The following CEBPZ variants were observed in gnomAD, a reference collection of about 807,000 sequenced individuals.
The protein encoded by CEBPZ is CCAAT/enhancer-binding protein zeta.
Under a neutral mutation model 104.5 loss-of-function variants are expected in CEBPZ, and 78 were observed. The observed-to-expected ratio is 0.75, with a 90% confidence interval of 0.62 to 0.90. CEBPZ has a LOEUF of 0.90. Ranked by LOEUF, CEBPZ falls within the 40% of genes least tolerant of loss-of-function variation. The probability of loss-of-function intolerance (pLI) is 0.00; values close to 1 mark genes in which losing one functional copy is unlikely to be tolerated. For synonymous variants in CEBPZ, 470 were observed against 427.0 expected (o/e 1.10, Z -1.24); for missense variants, 1,439 against 1,233.5 (o/e 1.17, Z -2.50).
intron 13 of CEBPZ, chr2:37,210,736 A>C (rs769689472): frequency 5.8e-6 from 2 of 345,184 alleles, no homozygotes; most frequent in Non-Finnish European, 1.1e-5. Flanking sequence ...TATGTAACCA[A>C]ACACCCTACC....
intron 6 of CEBPZ, 46 bp downstream of exon 6, chr2:37,216,938 A>T (rs1267779803): frequency 2.1e-6 from 3 of 1,443,272 alleles, no homozygotes; most frequent in Non-Finnish European, 2.9e-6. Context: ...ATCTAAAATG[A>T]TACTTTTTTT....
chr2:37,231,535 A>G lies in CEBPZ; in HGVS notation c.33T>C (p.His11=), dbSNP rs1327418373. The part of the protein sequence containing the change: MAAVKEPLEF[H]AKRPWRPEEA... The stretch of plus-strand genomic sequence containing the variant: ...CCTCGGGGCGCCAAGGCCGCTTGGC[A>G]TGGAACTCCAAAGGCTCCTTGACTG... The change falls in exon 1 of 16, where the codon CAT becomes CAC. Residue 11 remains histidine (H), a synonymous_variant. Transcript: ENST00000234170. The G allele has an allele frequency of 1.2e-6, 2 of 1,614,228 alleles. No individual in the cohort carries two copies. Among genetic ancestry groups the G allele is most frequent in the Middle Eastern group, 3.3e-4 (2 of 6,062 alleles).
rs766218806 is a variant in CEBPZ at position 37,216,210 on chromosome 2, T to G, written c.2312-2A>C. ...GCATCACAACACTATCTGTGTTTTCTGAAATGTAAAATTATGACAGTATAA... is the reference window on the plus strand; with the variant it reads ...GCATCACAACACTATCTGTGTTTTCGGAAATGTAAAATTATGACAGTATAA... On this transcript the variant is annotated splice_acceptor_variant, in intron 7 of 15. Transcript: ENST00000234170. LOFTEE classifies it high-confidence loss of function. 6.2e-7 allele frequency: 1 copy of G among 1,612,164 alleles called. No individual in the cohort carries two copies. Among genetic ancestry groups the G allele is most frequent in the Non-Finnish European group, 8.5e-7 (1 of 1,178,986 alleles).
Position 37,228,969 on chromosome 2 carries a change from G to A in CEBPZ, c.224C>T (p.Ala75Val). 3 of 1,601,240 alleles carry A rather than the reference G, an allele frequency of 1.9e-6. No individual in the cohort carries two copies. The highest frequency in any genetic ancestry group is 2.6e-6 in the Non-Finnish European group (3 of 1,176,174). The change falls in exon 2 of 16, where the codon GCA (alanine) becomes GTA (valine). Residue 75 changes from alanine (A) to valine (V), a missense_variant. Ala to Val is a moderately conservative substitution (Grantham distance 64). Transcript: ENST00000234170. Reference sequence around the variant, plus strand: ...TTCACCTTGCTGAAGGTCATCGATTGCTCCTTTTTTGCCTCCATCTATCAC... The same window carrying A: ...TTCACCTTGCTGAAGGTCATCGATTACTCCTTTTTTGCCTCCATCTATCAC... The part of the protein sequence containing the change: ...EEVIDGGKKG[A>V]IDDLQQGELE...
chr2:37,217,631 G>C (rs1458263967), intron 5 of CEBPZ, among the ~76,000 whole-genome samples: 1 of 152,090 alleles, frequency 6.6e-6, no homozygotes, highest in African/African-American at 2.4e-5. Flanking sequence ...GGCCAGGCGC[G>C]GTGGCTCATG....
chr2:37,228,060 T>A lies in CEBPZ; in HGVS notation c.1133A>T (p.Glu378Val). The change falls in exon 2 of 16, where the codon GAG becomes GTG. Residue 378 changes from glutamate to valine, a missense_variant. Transcript: ENST00000234170. ...VAHELLCNKPEEEKALLVQVV... is the reference protein window; with the variant it reads ...VAHELLCNKPVEEKALLVQVV... ...TTGCACAAGAAGAGCCTTTTCTTCC[T>A]CAGGCTTGTTACAAAGCAGCTCATG... 6.2e-7 allele frequency: 1 copy of A among 1,614,224 alleles called. No homozygotes were observed. The highest frequency in any genetic ancestry group is 8.5e-7 in the Non-Finnish European group (1 of 1,180,036).
intron 4 of CEBPZ, among the ~76,000 whole-genome samples, chr2:37,221,518 T>G (rs1013701828): frequency 2.6e-5 from 4 of 152,168 alleles, no homozygotes; most frequent in African/African-American, 9.7e-5. Flanking sequence ...TAATTCTCAC[T>G]TGGAACAGGT....
intron 1 of CEBPZ, 138 bp downstream of exon 1, chr2:37,231,274 G>T: frequency 8.4e-7 from 1 of 1,189,672 alleles, no homozygotes; most frequent in South Asian, 1.3e-5. Flanking sequence ...GAAGCGCACC[G>T]AACACATGCT....
chr2:37,229,745 T>C (rs1260362295), intron 1 of CEBPZ, among the ~76,000 whole-genome samples: 1 of 152,242 alleles, frequency 6.6e-6, no homozygotes, highest in African/African-American at 2.4e-5. Flanking sequence ...TCTCGCTCTG[T>C]TGTCCAGGCT....
In CEBPZ at chr2:37,221,176, C is replaced by A. The variant is rs534069402; in HGVS notation, c.2066-703G>T. Among the ~76,000 whole-genome samples, 85 of 149,566 alleles carry A rather than the reference C, an allele frequency of 5.7e-4. 1 individual carries two copies. The highest frequency in any genetic ancestry group is 2.1e-3 in the African/African-American group (84 of 40,666). On this transcript the variant is annotated intron_variant, in intron 4 of 15. Coordinates refer to ENST00000234170, the MANE Select transcript of CEBPZ (RefSeq NM_005760.3). ...TCTACAAAAAACACAACTAGCCATA[C>A]CTGGTGGCACGAGCCTGTAGTCCCG...
chr2:37,207,050 GACAAAGAGGGACATTACATACTAGTAA>G (rs1352399528), intron 13 of CEBPZ, among the ~76,000 whole-genome samples: 2 of 152,096 alleles, frequency 1.3e-5, no homozygotes, highest in South Asian at 2.1e-4. Context: ...AGTTAAAAAA[GACAAAGAGGGACATTACATACTAGTAA>G]AATGATTAGT....
rs1183458659 is a variant in CEBPZ, at chr2:37,228,964, C to T, written c.229G>A (p.Asp77Asn). 8.7e-6 allele frequency: 14 copies of T among 1,603,368 alleles called. No homozygotes were observed. The highest frequency in any genetic ancestry group is 4.0e-5 in the African/African-American group (3 of 74,412). The change falls in exon 2 of 16, where the codon GAT becomes AAT. Residue 77 changes from aspartate to asparagine, a missense_variant. Physicochemically the swap from Asp to Asn is conservative, Grantham distance 23 (BLOSUM62 1). Transcript: ENST00000234170. ...TCCAATTCACCTTGCTGAAGGTCAT[C>T]GATTGCTCCTTTTTTGCCTCCATCT... ...VIDGGKKGAI[D>N]DLQQGELEAF...
chr2:37,216,103 G>A, intron 8 of CEBPZ, 37 bp downstream of exon 8: 1 of 1,435,868 alleles, frequency 7.0e-7, no homozygotes, highest in South Asian at 1.2e-5. Context: ...GTCTTATATT[G>A]TCTTTTCAGT....
Position 37,230,502 on chromosome 2 carries a change from C to G in CEBPZ, c.156+910G>C, listed in dbSNP as rs1339896315. ...TATTCAAAACTTAAATATACACAAGCACAGAGCAAACTGTGAATCTGCCTA... is the reference window on the plus strand; with the variant it reads ...TATTCAAAACTTAAATATACACAAGGACAGAGCAAACTGTGAATCTGCCTA... On this transcript the variant is annotated intron_variant, in intron 1 of 15. Coordinates refer to ENST00000234170, the MANE Select transcript of CEBPZ (RefSeq NM_005760.3). Among the ~76,000 whole-genome samples the G allele has an allele frequency of 4.6e-5, 7 of 152,196 alleles. No homozygotes were observed. In the East Asian group the frequency reaches 5.8e-4, roughly 13 times the overall value.
chr2:37,217,002 A>G lies in CEBPZ; in HGVS notation c.2190T>C (p.Phe730=), dbSNP rs1282098654. 6.2e-7 allele frequency: 1 copy of G among 1,612,868 alleles called. No homozygotes were observed. The highest frequency in any genetic ancestry group is 1.7e-5 in the Admixed American group (1 of 60,006). ...SVHFHPSVAL[F]AKTILQGNYI... is the part of the protein sequence containing the mutation. ...GACTCACCTGAAGGATGGTCTTTGC[A>G]AAAAGGGCCACGGAGGGATGAAAAT... The change falls in exon 6 of 16, where the codon TTT becomes TTC. Residue 730 remains phenylalanine (F), a synonymous_variant. Coordinates refer to ENST00000234170, the MANE Select transcript of CEBPZ (RefSeq NM_005760.3).
At position 37,203,021 on chromosome 2, in the gene CEBPZ, G is replaced by A. The variant is rs765833535; in HGVS notation, c.2885-13C>T. 5 of 1,500,602 alleles carry A rather than the reference G, an allele frequency of 3.3e-6. No homozygotes were observed. The highest frequency in any genetic ancestry group is 4.5e-6 in the Non-Finnish European group (5 of 1,113,000). 93.0% of individuals were successfully genotyped at this position (1,500,602 alleles called of 1,614,324 possible). ...TTTTTTCTTGGCCCTAAAAAAAATT[G>A]TAAGTCTACATTATTCAATTATAAA... On this transcript the variant is annotated splice_polypyrimidine_tract_variant and intron_variant, in intron 13 of 15. Coordinates refer to ENST00000234170, the MANE Select transcript of CEBPZ (RefSeq NM_005760.3).
intron 2 of CEBPZ, among the ~76,000 whole-genome samples, chr2:37,224,546 T>C (rs1157700715): frequency 6.9e-6 from 1 of 143,894 alleles, no homozygotes; most frequent in Non-Finnish European, 1.5e-5. Flanking sequence ...TATTCAATTT[T>C]CTCTCTTTAC....
chr2:37,231,453 C>T lies in CEBPZ; in HGVS notation c.115G>A (p.Gly39Arg), dbSNP rs1665099499. ...CGTAACACTTCCTCCAGGGAGAACC[C>T]ATTCTCGGCTTCACTAGTATTATCC... ...DEDNTSEAEN[G>R]FSLEEVLRLG... Residue 39 changes from glycine (G) to arginine (R), a missense_variant, in exon 1 of 16, where the codon GGG (glycine) becomes AGG (arginine). Transcript: ENST00000234170. 6.2e-7 allele frequency: 1 copy of T among 1,614,092 alleles called. No homozygotes were observed. Among genetic ancestry groups the T allele is most frequent in the South Asian group, 1.1e-5 (1 of 91,088 alleles).
At position 37,211,915 on chromosome 2, in the gene CEBPZ, C is replaced by T. The variant is rs753100745; in HGVS notation, c.2728G>A (p.Glu910Lys). Reference protein sequence around the residue: ...EVSLGSMDDEEFAEVDEDGGT... With the variant: ...EVSLGSMDDEKFAEVDEDGGT... ...CCATCTTCATCAACTTCAGCAAATTCTTCATCATCCATACTTCCTAAAGAA... is the reference window on the plus strand; with the variant it reads ...CCATCTTCATCAACTTCAGCAAATTTTTCATCATCCATACTTCCTAAAGAA... The change falls in exon 12 of 16, where the codon GAA becomes AAA. Residue 910 changes from glutamate (E) to lysine (K), a missense_variant. Transcript: ENST00000234170. The T allele has an allele frequency of 2.5e-6, 4 of 1,613,512 alleles. No individual in the cohort carries two copies. The South Asian group carries it at 4.4e-5, about 18-fold the overall frequency.
Sources: allele counts gnomAD v4.1 joint callset (sites outside exome capture counted in the v4.1 genomes callset), GRCh38; gene constraint gnomAD v4.1.1; transcripts MANE v1.5; gene names NCBI Gene and HGNC (gene_info 2026-07-23, HGNC 2026-07-21).